The following SPEF2 variants were observed in gnomAD, a reference collection of about 807,000 sequenced individuals.
SPEF2 encodes sperm flagellar and cilia associated 2.
A neutral mutation model predicts 224.6 loss-of-function variants in SPEF2; 187 were observed. The ratio of observed to expected loss-of-function variants is 0.83; its 90% CI spans 0.74 to 0.94. The LOEUF (loss-of-function observed/expected upper bound fraction) is 0.94. Among genes scored for constraint, SPEF2 ranks in the 40% least tolerant of loss-of-function variants. The pLI, the probability that SPEF2 is intolerant of heterozygous loss-of-function variation, is 0.00. For synonymous variants in SPEF2, 715 were observed against 707.3 expected, an observed-to-expected ratio of 1.01 and a Z score of -0.17; for missense variants, 2,170 against 2,135.6, an observed-to-expected ratio of 1.02 and a Z score of -0.32.
chr5:35,711,893 T>C (rs1233664142), intron 19 of SPEF2, among the ~76,000 whole-genome samples: 1 of 152,144 alleles, frequency 6.6e-6, no homozygotes, highest in Non-Finnish European at 1.5e-5. Flanking sequence ...TCCTTTAAAA[T>C]GAAGGAGAAA....
chr5:35,784,600 G>T (rs1316755849), intron 30 of SPEF2, among the ~76,000 whole-genome samples: 1 of 152,196 alleles, frequency 6.6e-6, no homozygotes, highest in African/African-American at 2.4e-5. Context: ...AGAGGCTTTT[G>T]AAACTGAACT....
At chr5:35,668,150 A>G (rs988582539) in intron 9 of SPEF2, among the ~76,000 whole-genome samples, 1 of 152,076 alleles carries the variant, frequency 6.6e-6, no homozygotes, top group Non-Finnish European at 1.5e-5. Flanking sequence ...TAGCAATTAC[A>G]CTTCTGGGCA....
At chr5:35,773,151 G>C (rs759712908) in intron 27 of SPEF2, among the ~76,000 whole-genome samples, 8 of 152,270 alleles carry the variant, frequency 5.3e-5, no homozygotes, top group South Asian at 2.1e-4. Flanking sequence ...GCCAAGACAG[G>C]TGGACTGCTT....
At position 35,764,268 on chromosome 5, in the gene SPEF2, C is replaced by T. The variant is rs559958436; in HGVS notation, c.3801+566C>T. On this transcript the variant is annotated intron_variant, in intron 26 of 36. Transcript: ENST00000356031. ...TCTGCTAGGCATTTTTCCTAAGTTA[C>T]CTATGGGGTAAGTATTATTATTATC... Among the ~76,000 whole-genome samples the T allele has an allele frequency of 5.3e-5, 8 of 152,106 alleles. No homozygotes were observed. The South Asian group carries it at 8.3e-4, about 16-fold the overall frequency.
chr5:35,799,399 A>C (rs1380603615), intron 33 of SPEF2, among the ~76,000 whole-genome samples: 1 of 152,234 alleles, frequency 6.6e-6, no homozygotes, highest in African/African-American at 2.4e-5. Flanking sequence ...TCAGAGTGAG[A>C]AAATTGCTGA....
intron 9 of SPEF2, 77 bp downstream of exon 9, chr5:35,667,336 G>T (rs756776543): frequency 5.6e-6 from 7 of 1,255,094 alleles, no homozygotes; most frequent in Non-Finnish European, 6.5e-6. Context: ...TAGATACTAG[G>T]ATGATAAGTA....
At chr5:35,705,564 C>A in intron 17 of SPEF2, 87 bp from the exon 18 acceptor site, 1 of 936,860 alleles carries the variant, frequency 1.1e-6, no homozygotes, top group Non-Finnish European at 1.6e-6. Flanking sequence ...CCTGTCTTTT[C>A]ATTACGCATG....
At chr5:35,669,295 T>A (rs1750921457) in intron 9 of SPEF2, among the ~76,000 whole-genome samples, 1 of 152,164 alleles carries the variant, frequency 6.6e-6, no homozygotes, top group African/African-American at 2.4e-5. Flanking sequence ...CAACTGTTTA[T>A]GATCATGTCA....
At chr5:35,629,445 C>A (rs1239558018) in intron 2 of SPEF2, among the ~76,000 whole-genome samples, 1 of 152,102 alleles carries the variant, frequency 6.6e-6, no homozygotes, top group African/African-American at 2.4e-5. Context: ...GTGTGAGCCA[C>A]CGCGCCCGGC....
intron 25 of SPEF2, among the ~76,000 whole-genome samples, chr5:35,762,850 A>G (rs778329296): frequency 3.9e-5 from 6 of 152,178 alleles, no homozygotes; most frequent in Non-Finnish European, 8.8e-5. Context: ...AGGAGCAGCA[A>G]TAAGGGAAGA....
chr5:35,695,356 C>T, intron 13 of SPEF2, among the ~76,000 whole-genome samples: 1 of 151,020 alleles, frequency 6.6e-6, no homozygotes, highest in Admixed American at 6.6e-5. Context: ...CTTGGTAATC[C>T]AGGAAAATAA....
chr5:35,731,803 T>C (rs1745685554), intron 21 of SPEF2, among the ~76,000 whole-genome samples: 2 of 152,170 alleles, frequency 1.3e-5, no homozygotes, highest in Admixed American at 1.3e-4. Flanking sequence ...AATTGCAAAG[T>C]ACAGCTCTGA....
rs777942793 is a variant in SPEF2, at chr5:35,659,146, G to A, written c.1106G>A (p.Arg369Lys). The change falls in exon 8 of 37, where the codon AGA becomes AAA. Residue 369 changes from arginine to lysine, a missense_variant. Arg to Lys is a conservative substitution (Grantham distance 26). Transcript: ENST00000356031. ...KEVLWQNRIF[R>K]EKQHEERRLK... is the part of the protein sequence containing the mutation. ...GTTTTATGGCAAAACAGAATTTTCA[G>A]AGAAAAACAACATGAGGAAAGACGA... 3 of 1,613,218 alleles carry A rather than the reference G, an allele frequency of 1.9e-6. No homozygotes were observed. In the African/African-American group the frequency reaches 4.0e-5, roughly 22 times the overall value.
rs766642556 is a variant in SPEF2 at position 35,807,243 on chromosome 5, A to G, written c.5369A>G (p.Tyr1790Cys). ...IQDLISNYSD[Y>C]KFPDIKIILQ... ...GACCTGATTTCAAATTATTCAGACT[A>G]TAAGTTTCCTGTGAGTATTACCCCA... Residue 1790 changes from tyrosine to cysteine, a missense_variant, in exon 36 of 37, where the codon TAT becomes TGT. Coordinates refer to ENST00000356031, the MANE Select transcript of SPEF2 (RefSeq NM_024867.4). The G allele has an allele frequency of 3.7e-6, 6 of 1,612,142 alleles. No homozygotes were observed. In the African/African-American group the frequency reaches 4.0e-5, roughly 11 times the overall value.
chr5:35,644,629 C>A, intron 4 of SPEF2, 104 bp downstream of exon 4: 1 of 848,496 alleles, frequency 1.2e-6, no homozygotes, highest in Non-Finnish European at 1.7e-6. Flanking sequence ...GCACAAGTTG[C>A]ACTTCCCTGA....
intron 19 of SPEF2, among the ~76,000 whole-genome samples, chr5:35,711,762 T>TA (rs35282229): frequency 0.75 from 114,091 of 151,826 alleles, 43,233 homozygotes; most frequent in Middle Eastern, 0.83. Context: ...CTGTGATATT[T>TA]AATGTAAGTG....
At chr5:35,751,066 T>TATATATACGTATATATATAC (rs70973059) in intron 23 of SPEF2, among the ~76,000 whole-genome samples, 1 of 32,526 alleles carries the variant, frequency 3.1e-5, no homozygotes, top group South Asian at 1.8e-3. Context: ...CGTATATATA[T>TATATATACGTATATATATAC]GTATATATAT....
chr5:35,747,777 C>A (rs1748780237), intron 23 of SPEF2, among the ~76,000 whole-genome samples: 1 of 152,128 alleles, frequency 6.6e-6, no homozygotes, highest in Non-Finnish European at 1.5e-5. Flanking sequence ...GACAGGTCAT[C>A]AAGATAGAAA....
At chr5:35,689,467 A>T (rs7444621) in intron 10 of SPEF2, among the ~76,000 whole-genome samples, 41,443 of 151,902 alleles carry the variant, frequency 0.27, 8,172 homozygotes, top group African/African-American at 0.55. Flanking sequence ...CTAGTGAGCA[A>T]AGTTCCCAAT....
Sources: allele counts gnomAD v4.1 joint callset (sites outside exome capture counted in the v4.1 genomes callset), GRCh38; gene constraint gnomAD v4.1.1; transcripts MANE v1.5; gene names NCBI Gene and HGNC (gene_info 2026-07-23, HGNC 2026-07-21).